Variants in LENG8 observed in about 807,000 individuals in gnomAD.
LENG8 encodes the protein leukocyte receptor cluster member 8, also known as leukocyte receptor cluster (LRC) member 8.
A neutral mutation model predicts 102.1 loss-of-function variants in LENG8; 28 were observed. The ratio of observed to expected loss-of-function variants is 0.27; its 90% CI spans 0.20 to 0.38. The LOEUF (loss-of-function observed/expected upper bound fraction) is 0.38, where lower values mean the gene tolerates loss of function less well. Among genes scored for constraint, LENG8 ranks in the 10% least tolerant of loss-of-function variants. The pLI is 1.00. For missense variants in LENG8, 1,022 were observed against 1,113.9 expected (o/e 0.92, Z 1.17); for synonymous variants, 531 against 456.7 (o/e 1.16, Z -2.07).
rs759479126 is a variant in LENG8, at chr19:54,459,729, G to A, written c.2241-1037G>A. On this transcript the variant is annotated intron_variant, in intron 15 of 15. Transcript: ENST00000326764. ...GGAGACTCATTCTGGAATCTAGTGTGGGTCAAGCCAACTTCAGGGAGAGGC... is the reference window on the plus strand; with the variant it reads ...GGAGACTCATTCTGGAATCTAGTGTAGGTCAAGCCAACTTCAGGGAGAGGC... 9.4e-6 allele frequency: 10 copies of A among 1,059,840 alleles called. No homozygotes were observed. The South Asian group carries it at 2.7e-4, about 29-fold the overall frequency. 65.7% of individuals were successfully genotyped at this position (1,059,840 alleles called of 1,614,324 possible). A position where few individuals can be genotyped will look rare whatever the true frequency, so the allele number is the denominator to read the frequency against.
At position 54,458,303 on chromosome 19, in the gene LENG8, C is replaced by T. The variant is rs1416515284; in HGVS notation, c.2033-11C>T. On this transcript the variant is annotated splice_polypyrimidine_tract_variant and intron_variant, in intron 14 of 15. Coordinates refer to ENST00000326764, the MANE Select transcript of LENG8 (RefSeq NM_052925.4). ...GCCCTGCTGACTTCACCCTCTTTGT[C>T]TTGGTGCTAGACATCACCACGGAGC... The T allele has an allele frequency of 8.7e-6, 14 of 1,613,282 alleles. No homozygotes were observed. The Middle Eastern group carries it at 5.0e-4, about 57-fold the overall frequency.
chr19:54,449,390 C>T (rs931660595), intron 1 of LENG8, 80 bp downstream of exon 1: 1 of 152,216 alleles, frequency 6.6e-6, no homozygotes, highest in African/African-American at 2.4e-5. Flanking sequence ...CCGAGGCCTT[C>T]TCGGCCGTCG....
At position 54,456,011 on chromosome 19, in the gene LENG8, G is replaced by A; in HGVS notation, c.1070G>A (p.Trp357Ter). The A allele has an allele frequency of 6.2e-7, 1 of 1,613,138 alleles. No individual in the cohort carries two copies. Among genetic ancestry groups the A allele is most frequent in the Non-Finnish European group, 8.5e-7 (1 of 1,179,736 alleles). ...GCTGAGAGCCCTAAGAAGAAGCGGT[G>A]GGAGGCCGCTAGCAGCCTTCACCCT... is the stretch of plus-strand genomic sequence containing the variant. ...PVAESPKKKR[W>*]EAASSLHPPR... The change falls in exon 9 of 16, where the codon TGG becomes TAG. Residue 357 changes from tryptophan (W) to a stop codon, truncating the protein, a stop_gained. Coordinates refer to ENST00000326764, the MANE Select transcript of LENG8 (RefSeq NM_052925.4). LOFTEE classifies it high-confidence loss of function.
At chr19:54,455,830 C>A in intron 8 of LENG8, 137 bp from the exon 9 acceptor site, 1 of 964,416 alleles carries the variant, frequency 1.0e-6, no homozygotes, top group Non-Finnish European at 1.5e-6. Context: ...CGTCTCATTT[C>A]TGCACTGTAG....
chr19:54,458,532 C>G lies in LENG8; in HGVS notation c.2240+11C>G. The G allele has an allele frequency of 2.5e-6, 4 of 1,614,070 alleles. No individual in the cohort carries two copies. The highest frequency in any genetic ancestry group is 3.4e-6 in the Non-Finnish European group (4 of 1,179,944). On this transcript the variant is annotated intron_variant, in intron 15 of 15. Coordinates refer to ENST00000326764, the MANE Select transcript of LENG8 (RefSeq NM_052925.4). Reference sequence around the variant, plus strand: ...GGCCATGATCAAAACGTATGTGGTGCCAAGCTCCCTTCTGCCTTTGCTCTT... The same window carrying G: ...GGCCATGATCAAAACGTATGTGGTGGCAAGCTCCCTTCTGCCTTTGCTCTT...
rs547189214 is a variant in LENG8, at chr19:54,454,631, A to C, written c.628A>C (p.Thr210Pro). The C allele has an allele frequency of 3.1e-6, 5 of 1,607,792 alleles. No homozygotes were observed. Among genetic ancestry groups the C allele is most frequent in the East Asian group, 4.5e-5 (2 of 44,684 alleles). ...CCAGGCCTATGGGCCACACACCTACACCGAACCTGCCAAGCCCAAGAAGGG... is the reference window on the plus strand; with the variant it reads ...CCAGGCCTATGGGCCACACACCTACCCCGAACCTGCCAAGCCCAAGAAGGG... ...TGQAYGPHTY[T>P]EPAKPKKGQQ... is the part of the protein sequence containing the mutation. Residue 210 changes from threonine (T) to proline (P), a missense_variant, in exon 6 of 16, where the codon ACC becomes CCC. Thr to Pro is a conservative substitution (Grantham distance 38). Coordinates refer to ENST00000326764, the MANE Select transcript of LENG8 (RefSeq NM_052925.4).
Position 54,454,610 on chromosome 19 carries a change from G to A in LENG8, c.607G>A (p.Ala203Thr), listed in dbSNP as rs1413569926. ...HSQAGPATGQ[A>T]YGPHTYTEPA... ...CCAGGCGGGGCCCGCCACGGGCCAG[G>A]CCTATGGGCCACACACCTACACCGA... The change falls in exon 6 of 16, where the codon GCC becomes ACC. Residue 203 changes from alanine to threonine, a missense_variant. Physicochemically the swap from Ala to Thr is moderately conservative, Grantham distance 58 (BLOSUM62 0). Transcript: ENST00000326764. The A allele has an allele frequency of 1.9e-6, 3 of 1,610,574 alleles. No homozygotes were observed. The highest frequency in any genetic ancestry group is 4.5e-5 in the East Asian group (2 of 44,720).
chr19:54,455,277 C>G, intron 7 of LENG8, 87 bp from the exon 8 acceptor site: 1 of 1,532,864 alleles, frequency 6.5e-7, no homozygotes, highest in Non-Finnish European at 9.0e-7. Context: ...GGACTGCGTC[C>G]CGCTGTGTCA....
rs1819401010 is a variant in LENG8, at chr19:54,461,891, A to G, written c.*963A>G. The G allele has an allele frequency of 2.6e-6, 2 of 760,166 alleles. No individual in the cohort carries two copies. Among genetic ancestry groups the G allele is most frequent in the African/African-American group, 3.5e-5 (2 of 57,282 alleles). The allele number at this position is 760,166 out of a possible 1,614,324, so 47.1% of individuals were successfully genotyped here. A position where few individuals can be genotyped will look rare whatever the true frequency, so the allele number is the denominator to read the frequency against. On this transcript the variant is annotated 3_prime_UTR_variant, in exon 16 of 16. Coordinates refer to ENST00000326764, the MANE Select transcript of LENG8 (RefSeq NM_052925.4). ...GACTGTCAGGCTGCTTTTTTTCCAG[A>G]TGTTCCTCCTCTGCCTCCCCTTCCC... is the stretch of plus-strand genomic sequence containing the variant.
In LENG8 at chr19:54,460,965, C is replaced by G. The variant is rs755696100; in HGVS notation, c.*37C>G. 20 of 1,537,502 alleles carry G rather than the reference C, an allele frequency of 1.3e-5. No individual in the cohort carries two copies. In the South Asian group the frequency reaches 2.4e-4, roughly 18 times the overall value. ...GGAGGGGCGGGGGCAGGGGCTGCAG[C>G]CCCCAGCGCTGCCTTTGCGGATTCT... On this transcript the variant is annotated 3_prime_UTR_variant, in exon 16 of 16. Transcript: ENST00000326764.
In LENG8 at chr19:54,460,280, G is replaced by A. The variant is rs570977602; in HGVS notation, c.2241-486G>A. 258 of 1,268,912 alleles carry A rather than the reference G, an allele frequency of 2.0e-4. 1 individual carries two copies. In the African/African-American group the frequency reaches 3.6e-3, roughly 18 times the overall value. 78.6% of individuals were successfully genotyped at this position (1,268,912 alleles called of 1,614,324 possible). A position where few individuals can be genotyped will look rare whatever the true frequency, so the allele number is the denominator to read the frequency against. ...TCGTGCTAGATGCTCAGTCAGTAGTGTGTTTTAGCAGCAGCCGGAAGTGAC... is the reference window on the plus strand; with the variant it reads ...TCGTGCTAGATGCTCAGTCAGTAGTATGTTTTAGCAGCAGCCGGAAGTGAC... On this transcript the variant is annotated intron_variant, in intron 15 of 15. Transcript: ENST00000326764.
In LENG8 at chr19:54,453,478, C is replaced by T. The variant is rs1240699189; in HGVS notation, c.316-68C>T. On this transcript the variant is annotated intron_variant, in intron 4 of 15. Coordinates refer to ENST00000326764, the MANE Select transcript of LENG8 (RefSeq NM_052925.4). The stretch of plus-strand genomic sequence containing the variant: ...GTAGAGGGTCATGGCTGGTGTAGTT[C>T]CTGAGCAGGCTGGGGAAGCGGAAAG... The T allele has an allele frequency of 7.9e-6, 8 of 1,006,886 alleles. No homozygotes were observed. In the Admixed American group the frequency reaches 1.5e-4, roughly 19 times the overall value. The allele number at this position is 1,006,886 out of a possible 1,614,324, so 62.4% of individuals were successfully genotyped here. A position where few individuals can be genotyped will look rare whatever the true frequency, so the allele number is the denominator to read the frequency against.
chr19:54,450,167 G>C (rs2083890957), intron 1 of LENG8, among the ~76,000 whole-genome samples: 1 of 152,134 alleles, frequency 6.6e-6, no homozygotes, highest in South Asian at 2.1e-4. Flanking sequence ...CATTCCCAAA[G>C]CTTTATGTCC....
chr19:54,454,497 A>G lies in LENG8; in HGVS notation c.494A>G (p.Gln165Arg). 1 of 1,613,844 alleles carries G rather than the reference A, an allele frequency of 6.2e-7. No homozygotes were observed. Among genetic ancestry groups the G allele is most frequent in the Non-Finnish European group, 8.5e-7 (1 of 1,179,894 alleles). Residue 165 changes from glutamine (Q) to arginine (R), a missense_variant, in exon 6 of 16, where the codon CAG becomes CGG. Gln to Arg is a conservative substitution (Grantham distance 43). Transcript: ENST00000326764. ...CCCCCTCAGCAGCTGCCGTCGGCTC[A>G]GCCCCCTCAGCCCTCAAATCCCCCA... Reference protein sequence around the residue: ...QAPPQQLPSAQPPQPSNPPHG... With the variant: ...QAPPQQLPSARPPQPSNPPHG...
At chr19:54,456,287 A>C in intron 9 of LENG8, 38 bp from the exon 10 acceptor site, 1 of 1,613,674 alleles carries the variant, frequency 6.2e-7, no homozygotes, top group East Asian at 2.2e-5. Flanking sequence ...AGGGAGGGGG[A>C]GGCGTTTCAG....
In LENG8 at chr19:54,453,424, T is replaced by C. The variant is rs185537897; in HGVS notation, c.316-122T>C. On this transcript the variant is annotated intron_variant, in intron 4 of 15. Coordinates refer to ENST00000326764, the MANE Select transcript of LENG8 (RefSeq NM_052925.4). ...TATGAGAGGATGTGGTGCATTAATA[T>C]AGTGAAGAGAGAAAGGGGTGAGGGA... 5.0e-5 allele frequency: 34 copies of C among 674,718 alleles called. No individual in the cohort carries two copies. In the African/African-American group the frequency reaches 5.1e-4, roughly 10 times the overall value. The allele number at this position is 674,718 out of a possible 1,614,324, so 41.8% of individuals were successfully genotyped here.
Position 54,454,936 on chromosome 19 carries a change from T to G in LENG8, c.680-15T>G, listed in dbSNP as rs753135710. On this transcript the variant is annotated splice_polypyrimidine_tract_variant and intron_variant, in intron 6 of 15. Transcript: ENST00000326764. ...CCGGGGAAGGGCCTAACCATAGCTT[T>G]CGCTGCCCTCACAGCCGCCCCTGGG... 1 of 1,614,124 alleles carries G rather than the reference T, an allele frequency of 6.2e-7. No homozygotes were observed. The highest frequency in any genetic ancestry group is 8.5e-7 in the Non-Finnish European group (1 of 1,179,982).
chr19:54,457,829 C>T lies in LENG8; in HGVS notation c.1814C>T (p.Ser605Leu). The change falls in exon 12 of 16, where the codon TCG (serine) becomes TTG (leucine). Residue 605 changes from serine to leucine, a missense_variant. Around this residue, in one of 7 missense-constraint regions of LENG8, gnomAD observed 158 missense variants for 229.0 expected, o/e 0.69. Coordinates refer to ENST00000326764, the MANE Select transcript of LENG8 (RefSeq NM_052925.4). ...GCGTTTGCCTGCGAGCAGATGAAGT[C>T]GATCCGGCAGGATCTGACGGTGAGA... ...DYAFACEQMKSIRQDLTVQGI... is the reference protein window; with the variant it reads ...DYAFACEQMKLIRQDLTVQGI... 1.2e-6 allele frequency: 2 copies of T among 1,614,018 alleles called. No homozygotes were observed. Among genetic ancestry groups the T allele is most frequent in the Non-Finnish European group, 1.7e-6 (2 of 1,179,850 alleles).
chr19:54,458,957 A>G (rs2084397697), intron 15 of LENG8: 1 of 1,482,358 alleles, frequency 6.7e-7, no homozygotes, highest in African/African-American at 1.4e-5. Flanking sequence ...AGTCCCACTC[A>G]GCTCCTTTGA....
Sources: gnomAD v4.1 joint callset for allele counts (sites outside exome capture counted in the v4.1 genomes callset) on GRCh38, gnomAD v4.1.1 for gene constraint, gnomAD v4.1.1 regional missense constraint, MANE v1.5 for transcripts, NCBI Gene and HGNC (gene_info 2026-07-23, HGNC 2026-07-21) for gene names.